Variants in ANO6 observed in about 807,000 individuals in gnomAD.
ANO6 encodes anoctamin 6.
ANO6 carries 106 observed loss-of-function variants against 117.5 expected under a neutral mutation model. The observed-to-expected ratio is 0.90, with a 90% CI of 0.77 to 1.06. The LOEUF is 1.06. ANO6 is among the 50% of genes least tolerant of loss of function. The probability of loss-of-function intolerance (pLI) is 0.00; values close to 1 mark genes in which losing one functional copy is unlikely to be tolerated. For synonymous variants in ANO6, 367 were observed against 385.1 expected, an observed-to-expected ratio of 0.95 and a Z score of 0.55; for missense variants, 955 against 1,121.1, an observed-to-expected ratio of 0.85 and a Z score of 2.12.
At chr12:45,371,753 G>T (rs916978135) in intron 9 of ANO6, among the ~76,000 whole-genome samples, 1 of 152,206 alleles carries the variant, frequency 6.6e-6, no homozygotes, top group African/African-American at 2.4e-5. Context: ...AAACCACAAA[G>T]ATGGGGGAAA....
intron 1 of ANO6, among the ~76,000 whole-genome samples, chr12:45,225,557 G>A (rs1407532383): frequency 6.6e-6 from 1 of 151,456 alleles, no homozygotes; most frequent in South Asian, 2.1e-4. Flanking sequence ...GGCAAGATCT[G>A]GGCTCACTGC....
chr12:45,225,363 C>G (rs1947465889), intron 1 of ANO6, among the ~76,000 whole-genome samples: 1 of 152,124 alleles, frequency 6.6e-6, no homozygotes, highest in Non-Finnish European at 1.5e-5. Context: ...AGCTGTACAT[C>G]TTAACCAAAA....
chr12:45,229,631 G>A (rs1004416112), intron 1 of ANO6, among the ~76,000 whole-genome samples: 8 of 150,318 alleles, frequency 5.3e-5, no homozygotes, highest in African/African-American at 1.7e-4. Flanking sequence ...CTTGTGATCC[G>A]CCTGCCTTGG....
chr12:45,302,832 T>C (rs1939540875), intron 2 of ANO6, among the ~76,000 whole-genome samples: 1 of 152,194 alleles, frequency 6.6e-6, no homozygotes, highest in East Asian at 1.9e-4. Flanking sequence ...ACCAGATATG[T>C]AGGAAAAACA....
chr12:45,346,892 C>T, intron 3 of ANO6, 130 bp from the exon 4 acceptor site: 2 of 792,410 alleles, frequency 2.5e-6, no homozygotes, highest in South Asian at 1.5e-5. Flanking sequence ...ATTTGCTTGA[C>T]CAAATGCTGA....
At chr12:45,240,957 A>C (rs1230827238) in intron 1 of ANO6, among the ~76,000 whole-genome samples, 1 of 152,138 alleles carries the variant, frequency 6.6e-6, no homozygotes, top group Non-Finnish European at 1.5e-5. Context: ...GGGTAACCCG[A>C]CCTTTCTCTC....
intron 8 of ANO6, among the ~76,000 whole-genome samples, chr12:45,362,788 A>G (rs946502911): frequency 6.6e-6 from 1 of 152,208 alleles, no homozygotes; most frequent in Non-Finnish European, 1.5e-5. Context: ...AATAGTACAC[A>G]AAAACTTTAC....
In ANO6 at chr12:45,216,376, G is replaced by A. The variant is rs202042119; in HGVS notation, c.55G>A (p.Asp19Asn). The change falls in exon 1 of 20, where the codon GAC becomes AAC. Residue 19 changes from aspartate to asparagine, a missense_variant. Coordinates refer to ENST00000320560, the MANE Select transcript of ANO6 (RefSeq NM_001025356.3). ...LLQMEEEEDD[D>N]DGDIVLENLG... The stretch of plus-strand genomic sequence containing the variant: ...ACAAATGGAGGAGGAGGAGGACGAC[G>A]ACGATGGGGATATCGGTGAGCGAGG... 10 of 1,612,596 alleles carry A rather than the reference G, an allele frequency of 6.2e-6. No homozygotes were observed. In the African/African-American group the frequency reaches 1.2e-4, roughly 19 times the overall value.
intron 9 of ANO6, among the ~76,000 whole-genome samples, chr12:45,372,859 CA>C (rs1941885785): frequency 6.6e-6 from 1 of 152,164 alleles, no homozygotes; most frequent in Non-Finnish European, 1.5e-5. Context: ...TCACACATAA[CA>C]ATATTAACTT....
In ANO6 at chr12:45,331,381, C is replaced by T. The variant is rs1940658554; in HGVS notation, c.237C>T (p.Ser79=). 1 of 1,608,010 alleles carries T rather than the reference C, an allele frequency of 6.2e-7. No individual in the cohort carries two copies. The highest frequency in any genetic ancestry group is 8.5e-7 in the Non-Finnish European group (1 of 1,177,082). Residue 79 remains serine (S), a synonymous_variant, in exon 3 of 20, where the codon AGC becomes AGT. Coordinates refer to ENST00000320560, the MANE Select transcript of ANO6 (RefSeq NM_001025356.3). ...IDFVLVYEDE[S]RKETNKKGTN... is the part of the protein sequence containing the mutation. ...TTGTTCTAGTATATGAGGATGAAAG[C>T]AGAAAAGAGACCAATAAAAAGGGTA...
intron 1 of ANO6, among the ~76,000 whole-genome samples, chr12:45,253,685 A>C (rs2052602): frequency 0.16 from 23,933 of 152,210 alleles, 2,812 homozygotes; most frequent in East Asian, 0.37. Context: ...TGTAGATGAT[A>C]GCCAGTATCA....
At chr12:45,270,977 C>T (rs1565656610) in intron 1 of ANO6, among the ~76,000 whole-genome samples, 1 of 152,142 alleles carries the variant, frequency 6.6e-6, no homozygotes, top group Non-Finnish European at 1.5e-5. Flanking sequence ...ACCTCGGCCT[C>T]CCAAAGTGTG....
chr12:45,227,158 T>C (rs1215509724), intron 1 of ANO6, among the ~76,000 whole-genome samples: 1 of 151,934 alleles, frequency 6.6e-6, no homozygotes, highest in Non-Finnish European at 1.5e-5. Flanking sequence ...CTGGCTAATT[T>C]TTTGTATTTT....
At chr12:45,426,543 CA>C (rs1943507978) in intron 19 of ANO6, among the ~76,000 whole-genome samples, 1 of 152,118 alleles carries the variant, frequency 6.6e-6, no homozygotes, top group African/African-American at 2.4e-5. Flanking sequence ...CCAAAGTTAG[CA>C]GCAGCCACCA....
chr12:45,403,153 C>A lies in ANO6; in HGVS notation c.1694C>A (p.Ser565Ter), dbSNP rs1171990069. Residue 565 changes from serine (S) to a stop codon, truncating the protein, a stop_gained, in exon 14 of 20, where the codon TCA becomes TAA. Transcript: ENST00000320560. LOFTEE classifies it high-confidence loss of function. ...FLFQFVNYYS[S>*]CFYIAFFKGK... is the part of the protein sequence containing the mutation. The stretch of plus-strand genomic sequence containing the variant: ...TTCCAGTTTGTCAACTACTACTCTT[C>A]ATGCTTCTACATAGCATTCTTTAAG... The A allele has an allele frequency of 6.2e-7, 1 of 1,613,940 alleles. No individual in the cohort carries two copies. Among genetic ancestry groups the A allele is most frequent in the Admixed American group, 1.7e-5 (1 of 60,016 alleles).
At chr12:45,233,116 G>C (rs1182393930) in intron 1 of ANO6, among the ~76,000 whole-genome samples, 1 of 152,204 alleles carries the variant, frequency 6.6e-6, no homozygotes, top group Non-Finnish European at 1.5e-5. Context: ...TCTGGAGGAA[G>C]AGTTTAACCT....
rs115469442 is a variant in ANO6, at chr12:45,324,366, A to G, written c.151-6929A>G. 7.3e-3 allele frequency among the ~76,000 whole-genome samples: 1,115 copies of G among 152,338 alleles called. 7 individuals are homozygous for G. Among genetic ancestry groups the G allele is most frequent in the African/African-American group, 0.023 (964 of 41,574 alleles). ...TTTGAGTTAAAGGAAGAAAAGTAAT[A>G]TCTATATAAAACATGAATCAACTGG... On this transcript the variant is annotated intron_variant, in intron 2 of 19. Coordinates refer to ENST00000320560, the MANE Select transcript of ANO6 (RefSeq NM_001025356.3).
chr12:45,358,630 T>C (rs1174611728), intron 8 of ANO6, among the ~76,000 whole-genome samples: 2 of 152,210 alleles, frequency 1.3e-5, no homozygotes, highest in Admixed American at 6.5e-5. Context: ...TTGCAGAAAA[T>C]AGAGGGAAGT....
chr12:45,405,238 A>G (rs1009242794), intron 15 of ANO6, among the ~76,000 whole-genome samples: 54 of 152,188 alleles, frequency 3.5e-4, no homozygotes, highest in African/African-American at 1.0e-3. Context: ...AAATTGAGGA[A>G]AGTCTTAATC....
Sources: gnomAD v4.1 joint callset for allele counts (sites outside exome capture counted in the v4.1 genomes callset) on GRCh38, gnomAD v4.1.1 for gene constraint, MANE v1.5 for transcripts, NCBI Gene and HGNC (gene_info 2026-07-23, HGNC 2026-07-21) for gene names.